The following SESTD1 variants were observed in gnomAD, a reference collection of about 807,000 sequenced individuals.
SESTD1 encodes the protein SEC14 domain and spectrin repeat-containing protein 1.
SESTD1 carries 43 observed loss-of-function variants against 101.7 expected under a neutral mutation model. The observed-to-expected ratio is 0.42, with a 90% CI of 0.33 to 0.55. The LOEUF is 0.55. Ranked by LOEUF, SESTD1 falls within the 20% of genes least tolerant of loss-of-function variation. SESTD1 has a pLI of 0.07. For synonymous variants in SESTD1, 283 were observed against 286.8 expected, an observed-to-expected ratio of 0.99 and a Z score of 0.13; for missense variants, 647 against 815.1, an observed-to-expected ratio of 0.79 and a Z score of 2.51.
At chr2:179,137,382 C>T (rs1352794293) in intron 9 of SESTD1, among the ~76,000 whole-genome samples, 1 of 152,120 alleles carries the variant, frequency 6.6e-6, no homozygotes, top group Non-Finnish European at 1.5e-5. Flanking sequence ...ACCATCTAAC[C>T]TGGAGAAAGA....
chr2:179,153,522 ATATG>A (rs1248020894), intron 5 of SESTD1, among the ~76,000 whole-genome samples: 2 of 152,194 alleles, frequency 1.3e-5, no homozygotes, highest in Non-Finnish European at 2.9e-5. Flanking sequence ...ACACACACTT[ATATG>A]TATGTGTATT....
intron 1 of SESTD1, among the ~76,000 whole-genome samples, chr2:179,199,292 C>G (rs2046460938): frequency 6.6e-6 from 1 of 152,066 alleles, no homozygotes; most frequent in Non-Finnish European, 1.5e-5. Context: ...ATAACAGGAT[C>G]TGAAATTGTG....
At chr2:179,111,379 C>CT (rs1255579760) in intron 17 of SESTD1, among the ~76,000 whole-genome samples, 1 of 152,164 alleles carries the variant, frequency 6.6e-6, no homozygotes, top group African/African-American at 2.4e-5. Flanking sequence ...TGTGTCAGAT[C>CT]TGTTTTAAGT....
At position 179,102,849 on chromosome 2, in the gene SESTD1, C is replaced by T. The variant is rs2044301294; in HGVS notation, c.*7050G>A. On this transcript the variant is annotated 3_prime_UTR_variant, in exon 18 of 18. Coordinates refer to ENST00000428443, the MANE Select transcript of SESTD1 (RefSeq NM_178123.5). The stretch of plus-strand genomic sequence containing the variant: ...GCTAAAATGTCCCGTAAAAGCATAG[C>T]TATCCCCTATGCAAAACTGTGAGGT... 6.6e-6 allele frequency: 1 copy of T among 152,042 alleles called. No homozygotes were observed. Among genetic ancestry groups the T allele is most frequent in the Non-Finnish European group, 1.5e-5 (1 of 67,996 alleles). The allele number at this position is 152,042 out of a possible 1,614,324, so 9.4% of individuals were successfully genotyped here. A position where few individuals can be genotyped will look rare whatever the true frequency, so the allele number is the denominator to read the frequency against.
intron 4 of SESTD1, among the ~76,000 whole-genome samples, chr2:179,174,043 T>A (rs1166960004): frequency 6.6e-6 from 1 of 152,186 alleles, no homozygotes; most frequent in Non-Finnish European, 1.5e-5. Context: ...TTCAATGATA[T>A]CAAAACTTTT....
In SESTD1 at chr2:179,105,172, GTTCTGT is replaced by G. The variant is rs1301608698; in HGVS notation, c.*4721_*4726del. 4 of 125,208 alleles carry G rather than the reference GTTCTGT, an allele frequency of 3.2e-5. No homozygotes were observed. The highest frequency in any genetic ancestry group is 1.4e-4 in the African/African-American group (4 of 27,820). The allele number at this position is 125,208 out of a possible 1,614,324, so 7.8% of individuals were successfully genotyped here. ...ACTAATTGTGGTCTTTTCATGCTTT[GTTCTGT>G]TTTTTTTTTTTTTTTAACCTCATTA... On this transcript the variant is annotated 3_prime_UTR_variant, in exon 18 of 18. Transcript: ENST00000428443.
In SESTD1 at chr2:179,172,303, CCAGA is replaced by C. The variant is rs61037326; in HGVS notation, c.256-74_256-71del. ...AATAATTTACTAAATTTATAAATTA[CCAGA>C]CAGTCAAGATTATGCTACATAAGAG... is the stretch of plus-strand genomic sequence containing the variant. On this transcript the variant is annotated intron_variant, in intron 4 of 17. Coordinates refer to ENST00000428443, the MANE Select transcript of SESTD1 (RefSeq NM_178123.5). 1,423 of 1,052,832 alleles carry C rather than the reference CCAGA, an allele frequency of 1.4e-3. 11 individuals are homozygous for C. In the African/African-American group the frequency reaches 0.019, roughly 14 times the overall value. 65.2% of individuals were successfully genotyped at this position (1,052,832 alleles called of 1,614,324 possible).
chr2:179,241,739 G>A (rs574980581), intron 1 of SESTD1, among the ~76,000 whole-genome samples: 3 of 152,110 alleles, frequency 2.0e-5, no homozygotes, highest in East Asian at 3.9e-4. Flanking sequence ...TGGCTAACAC[G>A]GTGAAACCCT....
At chr2:179,172,357 T>C (rs1424731762) in intron 4 of SESTD1, 124 bp from the exon 5 acceptor site, 1 of 541,466 alleles carries the variant, frequency 1.8e-6, no homozygotes, top group Non-Finnish European at 3.1e-6. Flanking sequence ...ATTAAAATAA[T>C]AAAGAAGAAA....
chr2:179,121,763 A>G lies in SESTD1; in HGVS notation c.1442+7T>C, dbSNP rs752730674. The G allele has an allele frequency of 1.3e-6, 2 of 1,559,736 alleles. No individual in the cohort carries two copies. The highest frequency in any genetic ancestry group is 1.7e-6 in the Non-Finnish European group (2 of 1,158,968). ...TTAGTAAAAAGTAATTAACGGTCAA[A>G]CTTTGCCTTTGTTTTCTAAGCTGCA... On this transcript the variant is annotated splice_region_variant and intron_variant, in intron 13 of 17. Coordinates refer to ENST00000428443, the MANE Select transcript of SESTD1 (RefSeq NM_178123.5).
intron 10 of SESTD1, among the ~76,000 whole-genome samples, chr2:179,131,297 T>G (rs1283441647): frequency 6.6e-6 from 1 of 152,314 alleles, no homozygotes; most frequent in Non-Finnish European, 1.5e-5. Context: ...CTAGTAAAGA[T>G]GAGATTTACT....
intron 1 of SESTD1, among the ~76,000 whole-genome samples, chr2:179,262,435 G>C (rs1288784398): frequency 6.6e-6 from 1 of 152,088 alleles, no homozygotes; most frequent in Admixed American, 6.5e-5. Context: ...CTGTCACCCA[G>C]GATGGAATGC....
In SESTD1 at chr2:179,166,946, C is replaced by G. The variant is rs554848542; in HGVS notation, c.369+5174G>C. Among the ~76,000 whole-genome samples the G allele has an allele frequency of 4.7e-4, 71 of 152,308 alleles. No individual in the cohort carries two copies. The South Asian group carries it at 6.2e-3, about 13-fold the overall frequency. ...GGCAAGATGAGCCCATGTGCAGGCA[C>G]AAATACTACCTACACCTCAGTCTTT... On this transcript the variant is annotated intron_variant, in intron 5 of 17. Transcript: ENST00000428443.
At chr2:179,113,537 G>A (rs2044558289) in intron 16 of SESTD1, among the ~76,000 whole-genome samples, 3 of 151,962 alleles carry the variant, frequency 2.0e-5, no homozygotes, top group Admixed American at 2.0e-4. Flanking sequence ...AGAATAAAAA[G>A]TATTCATTTT....
intron 5 of SESTD1, among the ~76,000 whole-genome samples, chr2:179,155,079 A>T (rs2045602608): frequency 6.7e-6 from 1 of 150,198 alleles, no homozygotes; most frequent in Admixed American, 6.6e-5. Flanking sequence ...TGCTCGGCTC[A>T]TTTTTTTTTG....
At chr2:179,139,284 C>A (rs1297757431) in intron 9 of SESTD1, among the ~76,000 whole-genome samples, 1 of 152,150 alleles carries the variant, frequency 6.6e-6, no homozygotes, top group Non-Finnish European at 1.5e-5. Context: ...AAGCAGATGG[C>A]CTTTTCCTCT....
intron 1 of SESTD1, among the ~76,000 whole-genome samples, chr2:179,202,519 C>A (rs1341268738): frequency 7.4e-6 from 1 of 134,446 alleles, no homozygotes; most frequent in Non-Finnish European, 1.6e-5. Flanking sequence ...TTATGCTGTT[C>A]CTAAGAGTCA....
chr2:179,247,829 T>G lies in SESTD1; in HGVS notation c.-26+16670A>C, dbSNP rs78387686. ...AGCAGATACAGGAATAAACAGAAATTTACACTACCTAAGAGCCAAACAGGA... is the reference window on the plus strand; with the variant it reads ...AGCAGATACAGGAATAAACAGAAATGTACACTACCTAAGAGCCAAACAGGA... On this transcript the variant is annotated intron_variant, in intron 1 of 17. Transcript: ENST00000428443. 4.8e-3 allele frequency among the ~76,000 whole-genome samples: 724 copies of G among 151,616 alleles called. 9 individuals carry two copies. The highest frequency in any genetic ancestry group is 0.017 in the African/African-American group (685 of 41,268).
At chr2:179,162,458 T>C (rs2045754089) in intron 5 of SESTD1, 1 of 152,170 alleles carries the variant, frequency 6.6e-6, no homozygotes, top group African/African-American at 2.4e-5. Flanking sequence ...TATCTTGCAG[T>C]GATCAATGCA....
Sources: allele counts gnomAD v4.1 joint callset (sites outside exome capture counted in the v4.1 genomes callset), GRCh38; gene constraint gnomAD v4.1.1; transcripts MANE v1.5; gene names NCBI Gene and HGNC (gene_info 2026-07-23, HGNC 2026-07-21).